Variants in SUMF1 observed in about 807,000 individuals in gnomAD.
SUMF1 encodes formylglycine-generating enzyme.
Under a neutral mutation model 47.6 loss-of-function variants are expected in SUMF1, and 48 were observed. That is an observed-to-expected ratio of 1.01 (90% CI 0.80 to 1.28). The LOEUF is 1.28. Among genes scored for constraint, SUMF1 ranks in the 50% most tolerant of loss-of-function variants. SUMF1 has a pLI of 0.00. For missense variants in SUMF1, 571 were observed against 485.4 expected, an observed-to-expected ratio of 1.18 and a Z score of -1.66; for synonymous variants, 230 against 192.1, an observed-to-expected ratio of 1.20 and a Z score of -1.63.
At chr3:4,164,915 T>G (rs1248812427) in intron 8 of SUMF1, among the ~76,000 whole-genome samples, 1 of 152,094 alleles carries the variant, frequency 6.6e-6, no homozygotes, top group East Asian at 1.9e-4. Context: ...GCAGAAGGAT[T>G]TTCTTCCTTT....
At chr3:4,328,024 TG>T (rs1698979419) in intron 8 of SUMF1, among the ~76,000 whole-genome samples, 1 of 152,104 alleles carries the variant, frequency 6.6e-6, no homozygotes, top group Non-Finnish European at 1.5e-5. Flanking sequence ...AAGACCAGCT[TG>T]TGCTACATAG....
intron 4 of SUMF1, among the ~76,000 whole-genome samples, chr3:4,419,094 G>T (rs1300549603): frequency 6.6e-6 from 1 of 152,092 alleles, no homozygotes; most frequent in African/African-American, 2.4e-5. Flanking sequence ...AAGATCCATC[G>T]GTGTTGACTG....
intron 8 of SUMF1, among the ~76,000 whole-genome samples, chr3:4,368,205 A>G (rs949386866): frequency 2.6e-5 from 4 of 152,274 alleles, no homozygotes; most frequent in Non-Finnish European, 4.4e-5. Flanking sequence ...TCAGAAGAAG[A>G]CATTTGTGCA....
At chr3:4,139,447 G>A (rs1216170686) in intron 8 of SUMF1, among the ~76,000 whole-genome samples, 1 of 151,878 alleles carries the variant, frequency 6.6e-6, no homozygotes, top group Non-Finnish European at 1.5e-5. Context: ...AAAGAGTCAT[G>A]TATATTTTAT....
chr3:4,433,423 T>C (rs1702299150), intron 3 of SUMF1, among the ~76,000 whole-genome samples: 1 of 152,230 alleles, frequency 6.6e-6, no homozygotes, highest in Non-Finnish European at 1.5e-5. Context: ...AGGGTTATCA[T>C]GTTTTGCTTC....
At chr3:4,367,319 C>T (rs1038162214) in intron 8 of SUMF1, among the ~76,000 whole-genome samples, 21 of 152,312 alleles carry the variant, frequency 1.4e-4, no homozygotes, top group Non-Finnish European at 1.5e-5. Flanking sequence ...GCCCTGCCCC[C>T]AGAGGTGGAG....
intron 8 of SUMF1, among the ~76,000 whole-genome samples, chr3:4,253,686 G>C (rs935873319): frequency 1.3e-5 from 2 of 151,388 alleles, no homozygotes; most frequent in Admixed American, 1.3e-4. Flanking sequence ...GGCTGGGGGA[G>C]GGGCGCCCGC....
intron 8 of SUMF1, among the ~76,000 whole-genome samples, chr3:4,250,658 G>A (rs1020238318): frequency 7.9e-5 from 12 of 152,012 alleles, no homozygotes; most frequent in African/African-American, 2.2e-4. Flanking sequence ...TAACACAACC[G>A]GTGACTTAAA....
intron 8 of SUMF1, among the ~76,000 whole-genome samples, chr3:4,081,958 A>G (rs1692569344): frequency 1.3e-5 from 2 of 152,140 alleles, no homozygotes; most frequent in African/African-American, 2.4e-5. Flanking sequence ...GCCTTAACAC[A>G]ATAACTTTAA....
intron 7 of SUMF1, among the ~76,000 whole-genome samples, chr3:4,380,831 A>G (rs71313822): frequency 1.3e-5 from 2 of 152,320 alleles, no homozygotes; most frequent in African/African-American, 4.8e-5. Flanking sequence ...AGTTCTCGGG[A>G]AAAGTGATGA....
intron 8 of SUMF1, among the ~76,000 whole-genome samples, chr3:4,128,839 G>A (rs1693719566): frequency 6.6e-6 from 1 of 152,098 alleles, no homozygotes; most frequent in South Asian, 2.1e-4. Flanking sequence ...ATTAATTTGG[G>A]CCCACTAAGT....
At chr3:4,062,928 G>A (rs1372629474) in intron 9 of SUMF1, among the ~76,000 whole-genome samples, 1 of 152,114 alleles carries the variant, frequency 6.6e-6, no homozygotes, top group Non-Finnish European at 1.5e-5. Context: ...TGGCCTGCTT[G>A]ATGGCCACCA....
chr3:4,075,589 C>T (rs189878339), intron 8 of SUMF1, among the ~76,000 whole-genome samples: 1 of 152,192 alleles, frequency 6.6e-6, no homozygotes, highest in East Asian at 1.9e-4. Flanking sequence ...ATTTAGAAAA[C>T]CCCATCATCT....
chr3:4,308,377 T>C (rs1332676690), intron 8 of SUMF1, among the ~76,000 whole-genome samples: 1 of 151,828 alleles, frequency 6.6e-6, no homozygotes, highest in Non-Finnish European at 1.5e-5. Flanking sequence ...ATGTTTTCTT[T>C]CACAGAAACC....
At chr3:4,258,791 CTGT>C (rs1697016529) in intron 8 of SUMF1, among the ~76,000 whole-genome samples, 1 of 133,718 alleles carries the variant, frequency 7.5e-6, no homozygotes, top group Non-Finnish European at 1.7e-5. Flanking sequence ...ATAAATCATG[CTGT>C]TATAAAGACA....
At chr3:4,419,198 C>G (rs947164821) in intron 4 of SUMF1, among the ~76,000 whole-genome samples, 1 of 152,200 alleles carries the variant, frequency 6.6e-6, no homozygotes, top group African/African-American at 2.4e-5. Flanking sequence ...TAACTGGGAG[C>G]TAAGAAGCCA....
At chr3:4,045,327 G>A (rs1694985084) in intron 9 of SUMF1, among the ~76,000 whole-genome samples, 2 of 151,784 alleles carry the variant, frequency 1.3e-5, no homozygotes, top group South Asian at 2.1e-4. Flanking sequence ...AAATTACCTA[G>A]CGGCCCCCAG....
intron 8 of SUMF1, among the ~76,000 whole-genome samples, chr3:4,133,163 A>G (rs1378870949): frequency 6.6e-6 from 1 of 152,130 alleles, no homozygotes; most frequent in East Asian, 1.9e-4. Flanking sequence ...GCATGTATAC[A>G]CTTGTACTAA....
intron 8 of SUMF1, among the ~76,000 whole-genome samples, chr3:4,254,823 A>G (rs1696905744): frequency 6.6e-6 from 1 of 151,464 alleles, no homozygotes; most frequent in African/African-American, 2.4e-5. Flanking sequence ...CAGATTCACC[A>G]AAGTTGAAAT....
Sources: gnomAD v4.1 joint callset for allele counts (sites outside exome capture counted in the v4.1 genomes callset) on GRCh38, gnomAD v4.1.1 for gene constraint, MANE v1.5 for transcripts, NCBI Gene and HGNC (gene_info 2026-07-23, HGNC 2026-07-21) for gene names.